Variants in TRAPPC6B observed in about 807,000 individuals in gnomAD.
The protein encoded by TRAPPC6B is TRAPP complex subunit 6B.
TRAPPC6B carries 27 observed loss-of-function variants against 24.7 expected under a neutral mutation model. The observed-to-expected ratio is 1.09, with a 90% CI of 0.81 to 1.51. The LOEUF is 1.51. TRAPPC6B is among the 40% of genes most tolerant of loss of function. The pLI is 0.00. For synonymous variants in TRAPPC6B, 80 were observed against 66.6 expected (o/e 1.20, Z -0.98); for missense variants, 212 against 190.8 (o/e 1.11, Z -0.66).
intron 3 of TRAPPC6B, chr14:39,156,684 A>G (rs1211143428): frequency 6.6e-6 from 1 of 152,242 alleles, no homozygotes; most frequent in Admixed American, 6.5e-5. Flanking sequence ...TAAGAGTAAA[A>G]TGCTCTATAA....
intron 1 of TRAPPC6B, among the ~76,000 whole-genome samples, chr14:39,162,666 G>C (rs959646564): frequency 6.6e-6 from 1 of 152,130 alleles, no homozygotes; most frequent in African/African-American, 2.4e-5. Context: ...AAATGTCTCA[G>C]AATCATCCAG....
At chr14:39,163,314 C>T (rs1054272025) in intron 1 of TRAPPC6B, among the ~76,000 whole-genome samples, 3 of 146,576 alleles carry the variant, frequency 2.0e-5, no homozygotes, top group South Asian at 2.1e-4. Context: ...GAGATTGCAG[C>T]GAGCCGAGAT....
Position 39,148,673 on chromosome 14 carries a change from C to T in TRAPPC6B, c.*1677G>A, listed in dbSNP as rs2052882550. On this transcript the variant is annotated 3_prime_UTR_variant, in exon 6 of 6. Transcript: ENST00000330149. ...ATTATGACTTTTAATAAACTTTATACATGTATATTTGGTAGGAACTTTCCT... is the reference window on the plus strand; with the variant it reads ...ATTATGACTTTTAATAAACTTTATATATGTATATTTGGTAGGAACTTTCCT... The T allele has an allele frequency of 5.0e-6, 2 of 398,320 alleles. No homozygotes were observed. Among genetic ancestry groups the T allele is most frequent in the Non-Finnish European group, 8.8e-6 (2 of 226,006 alleles). The allele number at this position is 398,320 out of a possible 1,614,324, so 24.7% of individuals were successfully genotyped here.
chr14:39,169,318 T>G (rs1269999405), intron 1 of TRAPPC6B, among the ~76,000 whole-genome samples: 1 of 150,062 alleles, frequency 6.7e-6, no homozygotes, highest in East Asian at 1.9e-4. Flanking sequence ...CCCACAATGA[T>G]TGAATAAGGA....
chr14:39,151,673 GTTAA>G (rs561884365), intron 5 of TRAPPC6B, 69 bp downstream of exon 5: 8 of 1,132,714 alleles, frequency 7.1e-6, no homozygotes, highest in Non-Finnish European at 1.0e-5. Flanking sequence ...TTTCCTCTCA[GTTAA>G]ATTAAAAAAA....
At position 39,154,300 on chromosome 14, in the gene TRAPPC6B, C is replaced by T. The variant is rs551600015; in HGVS notation, c.268-6G>A. ...TCCTGAAGTACATAGATGCCCTGTTCCAAAAATAGAAAAAAAATCCAAAGT... is the reference window on the plus strand; with the variant it reads ...TCCTGAAGTACATAGATGCCCTGTTTCAAAAATAGAAAAAAAATCCAAAGT... On this transcript the variant is annotated splice_polypyrimidine_tract_variant and splice_region_variant and intron_variant, in intron 3 of 5. Transcript: ENST00000330149. 1.3e-6 allele frequency: 2 copies of T among 1,596,714 alleles called. No homozygotes were observed. Among genetic ancestry groups the T allele is most frequent in the East Asian group, 2.2e-5 (1 of 44,752 alleles).
chr14:39,166,041 A>G (rs1429293553), intron 1 of TRAPPC6B, among the ~76,000 whole-genome samples: 1 of 151,514 alleles, frequency 6.6e-6, no homozygotes, highest in Non-Finnish European at 1.5e-5. Context: ...TGTCCTTGTG[A>G]CCTGCCTGCC....
chr14:39,153,429 A>G (rs1351762287), intron 4 of TRAPPC6B, among the ~76,000 whole-genome samples: 1 of 150,608 alleles, frequency 6.6e-6, no homozygotes, highest in Admixed American at 6.6e-5. Context: ...GGAGTTCAAG[A>G]CGAGCCTGGG....
chr14:39,168,603 CTCCT>C (rs2053132730), intron 1 of TRAPPC6B, among the ~76,000 whole-genome samples: 1 of 152,116 alleles, frequency 6.6e-6, no homozygotes, highest in Non-Finnish European at 1.5e-5. Flanking sequence ...ATTATCTTAC[CTCCT>C]TATTTTTTTC....
At position 39,150,313 on chromosome 14, in the gene TRAPPC6B, C is replaced by T. The variant is rs772178298; in HGVS notation, c.*37G>A. 40 of 1,542,316 alleles carry T rather than the reference C, an allele frequency of 2.6e-5. No homozygotes were observed. The South Asian group carries it at 4.8e-4, about 19-fold the overall frequency. On this transcript the variant is annotated 3_prime_UTR_variant, in exon 6 of 6. Transcript: ENST00000330149. ...AAATACTTTTACATGAATAATTTAT[C>T]TCTTTACACTGTTGAAGCCTTGCAT...
At chr14:39,157,412 C>T in intron 3 of TRAPPC6B, 1 of 329,142 alleles carries the variant, frequency 3.0e-6, no homozygotes, top group Non-Finnish European at 5.8e-6. Context: ...TTGGCCCGGG[C>T]TGAAAAGAAA....
At chr14:39,168,913 C>T (rs1434050443) in intron 1 of TRAPPC6B, among the ~76,000 whole-genome samples, 2 of 152,280 alleles carry the variant, frequency 1.3e-5, no homozygotes, top group African/African-American at 2.4e-5. Context: ...CACATCATTC[C>T]CTTCCTTAAA....
At chr14:39,154,583 C>T (rs2052954229) in intron 3 of TRAPPC6B, among the ~76,000 whole-genome samples, 1 of 152,068 alleles carries the variant, frequency 6.6e-6, no homozygotes, top group African/African-American at 2.4e-5. Context: ...CCATGCCCTG[C>T]TAATTTTTAT....
At chr14:39,160,939 C>T (rs768664902) in intron 1 of TRAPPC6B, among the ~76,000 whole-genome samples, 7 of 152,268 alleles carry the variant, frequency 4.6e-5, no homozygotes, top group Middle Eastern at 3.4e-3. Flanking sequence ...GTGTAATACA[C>T]ATAACATTTT....
intron 1 of TRAPPC6B, among the ~76,000 whole-genome samples, chr14:39,166,999 G>T (rs549753552): frequency 2.0e-5 from 3 of 152,300 alleles, no homozygotes; most frequent in African/African-American, 7.2e-5. Flanking sequence ...TGTCTTGATA[G>T]ATCAGCTCTA....
chr14:39,162,273 A>G (rs1433930342), intron 1 of TRAPPC6B, among the ~76,000 whole-genome samples: 1 of 150,994 alleles, frequency 6.6e-6, no homozygotes, highest in Non-Finnish European at 1.5e-5. Flanking sequence ...CAATCCTCCC[A>G]CCTCAGTCTC....
At chr14:39,159,915 A>G (rs2053036044) in intron 1 of TRAPPC6B, among the ~76,000 whole-genome samples, 1 of 152,128 alleles carries the variant, frequency 6.6e-6, no homozygotes, top group South Asian at 2.1e-4. Context: ...CTCCATCTAC[A>G]GGGTTCAAGT....
At chr14:39,158,001 A>C in intron 3 of TRAPPC6B, 1 of 265,858 alleles carries the variant, frequency 3.8e-6, no homozygotes, top group South Asian at 8.6e-5. Context: ...ACAGTAACTA[A>C]GGAACCAAAT....
chr14:39,166,735 T>C (rs570684606), intron 1 of TRAPPC6B, among the ~76,000 whole-genome samples: 7 of 152,186 alleles, frequency 4.6e-5, no homozygotes, highest in African/African-American at 1.4e-4. Context: ...ATCACTATTG[T>C]AGAACCTAAA....
Sources: gnomAD v4.1 joint callset for allele counts (sites outside exome capture counted in the v4.1 genomes callset) on GRCh38, gnomAD v4.1.1 for gene constraint, MANE v1.5 for transcripts, NCBI Gene and HGNC (gene_info 2026-07-23, HGNC 2026-07-21) for gene names.